The following AHNAK2 variants were observed in gnomAD, a reference collection of about 807,000 sequenced individuals.
AHNAK2 encodes AHNAK nucleoprotein 2.
In AHNAK2, 18 loss-of-function variants were observed where a neutral mutation model predicts 30.7. The observed-to-expected ratio is 0.59, with a 90% CI of 0.41 to 0.87. The LOEUF (loss-of-function observed/expected upper bound fraction) is 0.87. AHNAK2 is among the 40% of genes least tolerant of loss of function. The pLI is 0.00. For missense variants in AHNAK2, 8,604 were observed against 7,373.0 expected (o/e 1.17, Z -6.11); for synonymous variants, 3,590 against 3,073.8 (o/e 1.17, Z -5.56).
At position 104,952,275 on chromosome 14, in the gene AHNAK2, G is replaced by T. The variant is rs779782626; in HGVS notation, c.3176C>A (p.Ala1059Asp). 6.2e-7 allele frequency: 1 copy of T among 1,612,488 alleles called. No individual in the cohort carries two copies. Among genetic ancestry groups the T allele is most frequent in the African/African-American group, 1.3e-5 (1 of 74,240 alleles). ...QPASTDLKVQ[A>D]DQVDVKLPEG... is the part of the protein sequence containing the mutation. ...CGGGAGCTTCACATCCACCTGGTCA[G>T]CCTGGACCTTCAGGTCAGTAGAAGC... Residue 1059 changes from alanine (A) to aspartate (D), a missense_variant, in exon 7 of 7, where the codon GCT becomes GAT. Transcript: ENST00000333244.
Position 104,947,820 on chromosome 14 carries a change from G to T in AHNAK2, c.7631C>A (p.Ala2544Asp), listed in dbSNP as rs1898378820. The T allele has an allele frequency of 5.6e-6, 9 of 1,612,700 alleles. 1 individual carries two copies. The highest frequency in any genetic ancestry group is 1.3e-5 in the African/African-American group (1 of 74,574). Residue 2544 changes from alanine (A) to aspartate (D), a missense_variant, in exon 7 of 7, where the codon GCT becomes GAT. Ala to Asp is a moderately radical substitution (Grantham distance 126, BLOSUM62 -2). Coordinates refer to ENST00000333244, the MANE Select transcript of AHNAK2 (RefSeq NM_138420.4). Reference protein sequence around the residue: ...QPPSADLEVQAGQVDVKLPEG... With the variant: ...QPPSADLEVQDGQVDVKLPEG... ...TGGGAGTTTCACGTCCACTTGGCCAGCCTGGACCTCCAGGTCAGCGGAAGG... is the reference window on the plus strand; with the variant it reads ...TGGGAGTTTCACGTCCACTTGGCCATCCTGGACCTCCAGGTCAGCGGAAGG...
rs751978443 is a variant in AHNAK2, at chr14:104,940,508, C to A, written c.14943G>T (p.Val4981=). 1 of 1,613,682 alleles carries A rather than the reference C, an allele frequency of 6.2e-7. No individual in the cohort carries two copies. Among genetic ancestry groups the A allele is most frequent in the African/African-American group, 1.3e-5 (1 of 74,938 alleles). ...TGPKVDPECS[V]EDSKLSLVLD... ...AAACCAGGCTGAGTTTTGAGTCCTC[C>A]ACGCTGCATTCTGGGTCCACCTTTG... The change falls in exon 7 of 7, where the codon GTG becomes GTT. Residue 4981 remains valine (V), a synonymous_variant. Coordinates refer to ENST00000333244, the MANE Select transcript of AHNAK2 (RefSeq NM_138420.4). This position sits in a 1 kb window ranked among gnomAD's most constrained non-coding sequence, Gnocchi z 4.4.
rs377075504 is a variant in AHNAK2, at chr14:104,948,785, C to A, written c.6666G>T (p.Leu2222=). 1 of 1,611,166 alleles carries A rather than the reference C, an allele frequency of 6.2e-7. No individual in the cohort carries two copies. The highest frequency in any genetic ancestry group is 1.7e-5 in the Admixed American group (1 of 59,830). Residue 2222 remains leucine, a synonymous_variant, in exon 7 of 7, where the codon CTG becomes CTT. Transcript: ENST00000333244. ...VQAGQVDVKL[L]EGPVPEEVGL... is the part of the protein sequence containing the mutation. The stretch of plus-strand genomic sequence containing the variant: ...CGACTTCCTCGGGCACAGGGCCCTC[C>A]AGGAGTTTCACGTCCACCTGGCCAG...
chr14:104,942,614 C>T lies in AHNAK2; in HGVS notation c.12837G>A (p.Arg4279=). The change falls in exon 7 of 7, where the codon CGG becomes CGA. Residue 4279 remains arginine, a synonymous_variant. Transcript: ENST00000333244. The part of the protein sequence containing the change: ...EAPGAKLDSV[R]LEGDLSLADK... ...CGGCTAGGGACAGGTCACCCTCCAG[C>T]CGCACACTGTCCAGCTTGGCTCCCG... is the stretch of plus-strand genomic sequence containing the variant. 1 of 1,613,290 alleles carries T rather than the reference C, an allele frequency of 6.2e-7. No homozygotes were observed. Among genetic ancestry groups the T allele is most frequent in the Non-Finnish European group, 8.5e-7 (1 of 1,179,660 alleles).
intron 3 of AHNAK2, 29 bp from the exon 4 acceptor site, chr14:104,956,718 A>G: frequency 6.2e-7 from 1 of 1,608,732 alleles, no homozygotes; most frequent in Middle Eastern, 1.7e-4. Flanking sequence ...GGAGTTAGGC[A>G]CCTGCCCCAG....
intron 1 of AHNAK2, among the ~76,000 whole-genome samples, chr14:104,968,688 G>A (rs538873747): frequency 2.0e-5 from 3 of 152,362 alleles, no homozygotes; most frequent in African/African-American, 4.8e-5. Flanking sequence ...GGGCCCTGGG[G>A]GCTGGCAGGG....
In AHNAK2 at chr14:104,947,462, T is replaced by A. The variant is rs1357087691; in HGVS notation, c.7989A>T (p.Pro2663=). The change falls in exon 7 of 7, where the codon CCA becomes CCT. Residue 2663 remains proline (P), a synonymous_variant. Coordinates refer to ENST00000333244, the MANE Select transcript of AHNAK2 (RefSeq NM_138420.4). ...CCACCAACGCCTCGATGGACTCGCCTGGGGCCGACACCCTGAATGATGGCA... is the reference window on the plus strand; with the variant it reads ...CCACCAACGCCTCGATGGACTCGCCAGGGGCCGACACCCTGAATGATGGCA... ...FKMPSFRVSA[P]GESIEALVDV... 6.2e-7 allele frequency: 1 copy of A among 1,612,780 alleles called. No individual in the cohort carries two copies. The highest frequency in any genetic ancestry group is 8.5e-7 in the Non-Finnish European group (1 of 1,179,572).
chr14:104,963,652 A>G (rs553490086), intron 1 of AHNAK2, among the ~76,000 whole-genome samples: 2 of 152,208 alleles, frequency 1.3e-5, no homozygotes, highest in South Asian at 4.2e-4. Context: ...AACACGGTGA[A>G]ACCCTGTCTC....
In AHNAK2 at chr14:104,953,772, A is replaced by G. The variant is rs1898878886; in HGVS notation, c.1679T>C (p.Leu560Pro). The change falls in exon 7 of 7, where the codon CTA (leucine) becomes CCA (proline). Residue 560 changes from leucine (L) to proline (P), a missense_variant. Coordinates refer to ENST00000333244, the MANE Select transcript of AHNAK2 (RefSeq NM_138420.4). ...QGDEGDGEEG[L>P]QRTRITEEQD... Reference sequence around the variant, plus strand: ...TTCCTCAGTGATCCTTGTCCTCTGTAGTCCTTCCTCTCCATCTCCTTCATC... The same window carrying G: ...TTCCTCAGTGATCCTTGTCCTCTGTGGTCCTTCCTCTCCATCTCCTTCATC... The G allele has an allele frequency of 6.2e-7, 1 of 1,613,554 alleles. No individual in the cohort carries two copies. The highest frequency in any genetic ancestry group is 1.1e-5 in the South Asian group (1 of 91,070).
rs747951877 is a variant in AHNAK2 at position 104,942,040 on chromosome 14, G to T, written c.13411C>A (p.Pro4471Thr). ...CCTGGGGACAACATCCCAAAGGATG[G>T]CATCTTGAACTTGGGCATTTTGAAC... ...SKFKMPKFKM[P>T]SFGMLSPGKS... is the part of the protein sequence containing the mutation. Residue 4471 changes from proline (P) to threonine (T), a missense_variant, in exon 7 of 7, where the codon CCA (proline) becomes ACA (threonine). Coordinates refer to ENST00000333244, the MANE Select transcript of AHNAK2 (RefSeq NM_138420.4). 1.9e-6 allele frequency: 3 copies of T among 1,612,462 alleles called. No homozygotes were observed. The South Asian group carries it at 3.3e-5, about 18-fold the overall frequency.
chr14:104,947,151 A>T lies in AHNAK2; in HGVS notation c.8300T>A (p.Val2767Glu). The change falls in exon 7 of 7, where the codon GTG becomes GAG. Residue 2767 changes from valine (V) to glutamate (E), a missense_variant. Val to Glu is a moderately radical substitution (Grantham distance 121, BLOSUM62 -2). Transcript: ENST00000333244. ...AGACATCTTCACATCGGGGGCTGTCACTTCCGCCTTGGGGCCTTTCAGGTC... is the reference window on the plus strand; with the variant it reads ...AGACATCTTCACATCGGGGGCTGTCTCTTCCGCCTTGGGGCCTTTCAGGTC... ...NVDLKGPKAE[V>E]TAPDVKMSLS... is the part of the protein sequence containing the mutation. The T allele has an allele frequency of 6.2e-7, 1 of 1,611,702 alleles. No homozygotes were observed. Among genetic ancestry groups the T allele is most frequent in the Non-Finnish European group, 8.5e-7 (1 of 1,179,438 alleles).
Position 104,952,580 on chromosome 14 carries a change from G to A in AHNAK2, c.2871C>T (p.Gly957=), listed in dbSNP as rs572860937. 1.8e-5 allele frequency: 29 copies of A among 1,609,996 alleles called. No individual in the cohort carries two copies. Among genetic ancestry groups the A allele is most frequent in the South Asian group, 8.8e-5 (8 of 90,808 alleles). Residue 957 remains glycine, a synonymous_variant, in exon 7 of 7, where the codon GGC becomes GGT. Coordinates refer to ENST00000333244, the MANE Select transcript of AHNAK2 (RefSeq NM_138420.4). ...GPKAEVTAPD[G]EVSLPSMEVD... The stretch of plus-strand genomic sequence containing the variant: ...CCTCCATGCTGGGCAGAGACACCTC[G>A]CCATCGGGGGCTGTCACTTCCGCCT...
chr14:104,948,059 C>G lies in AHNAK2; in HGVS notation c.7392G>C (p.Trp2464Cys), dbSNP rs1566908932. The G allele has an allele frequency of 3.1e-6, 5 of 1,613,056 alleles. No homozygotes were observed. Among genetic ancestry groups the G allele is most frequent in the African/African-American group, 1.3e-5 (1 of 74,540 alleles). Residue 2464 changes from tryptophan to cysteine, a missense_variant, in exon 7 of 7, where the codon TGG (tryptophan) becomes TGC (cysteine). By Grantham distance (215) the Trp-to-Cys change is radical. Coordinates refer to ENST00000333244, the MANE Select transcript of AHNAK2 (RefSeq NM_138420.4). Reference protein sequence around the residue: ...EAPGAKLDGAWLEGDLSVADK... With the variant: ...EAPGAKLDGACLEGDLSVADK... ...CCGCCACAGACAGGTCCCCCTCCAGCCACGCACCATCCAGCTTGGCTCCCG... is the reference window on the plus strand; with the variant it reads ...CCGCCACAGACAGGTCCCCCTCCAGGCACGCACCATCCAGCTTGGCTCCCG...
rs771254113 is a variant in AHNAK2 at position 104,946,384 on chromosome 14, T to C, written c.9067A>G (p.Thr3023Ala). 8.1e-6 allele frequency: 13 copies of C among 1,612,006 alleles called. No homozygotes were observed. In the South Asian group the frequency reaches 1.2e-4, roughly 15 times the overall value. Residue 3023 changes from threonine (T) to alanine (A), a missense_variant, in exon 7 of 7, where the codon ACC becomes GCC. Thr to Ala is a moderately conservative substitution (Grantham distance 58, BLOSUM62 0). Coordinates refer to ENST00000333244, the MANE Select transcript of AHNAK2 (RefSeq NM_138420.4). ...GGGGGCTCAATGCTGATGTCAGTGGTCTTCAGGTCCCCCTGCATGGAGGGG... is the reference window on the plus strand; with the variant it reads ...GGGGGCTCAATGCTGATGTCAGTGGCCTTCAGGTCCCCCTGCATGGAGGGG... ...SLPSMQGDLK[T>A]TDISIEPPSA... is the part of the protein sequence containing the mutation.
rs191649308 is a variant in AHNAK2, at chr14:104,947,936, C to G, written c.7515G>C (p.Ser2505=). The G allele has an allele frequency of 5.0e-6, 8 of 1,612,254 alleles. No individual in the cohort carries two copies. The highest frequency in any genetic ancestry group is 1.7e-5 in the Admixed American group (1 of 59,862). The stretch of plus-strand genomic sequence containing the variant: ...CCACCTTCGGCGCAGACACATCCAC[C>G]GAGGCCTCGATGGACTTGCCTGGGG... ...VSAPGKSIEA[S]VDVSAPKVEA... The change falls in exon 7 of 7, where the codon TCG becomes TCC. Residue 2505 remains serine, a synonymous_variant. Coordinates refer to ENST00000333244, the MANE Select transcript of AHNAK2 (RefSeq NM_138420.4).
chr14:104,949,480 G>A lies in AHNAK2; in HGVS notation c.5971C>T (p.Pro1991Ser). 3 of 1,588,344 alleles carry A rather than the reference G, an allele frequency of 1.9e-6. No homozygotes were observed. Among genetic ancestry groups the A allele is most frequent in the Admixed American group, 1.7e-5 (1 of 57,608 alleles). The change falls in exon 7 of 7, where the codon CCC becomes TCC. Residue 1991 changes from proline to serine, a missense_variant. Coordinates refer to ENST00000333244, the MANE Select transcript of AHNAK2 (RefSeq NM_138420.4). ...MTAKDSKFKM[P>S]KFKMPSFGVS... Reference sequence around the variant, plus strand: ...CCGAACGACGGCATCTTGAATTTGGGCATTTTGAACTTGCTGTCTTTGGCA... The same window carrying A: ...CCGAACGACGGCATCTTGAATTTGGACATTTTGAACTTGCTGTCTTTGGCA...
rs1264199194 is a variant in AHNAK2 at position 104,943,886 on chromosome 14, G to C, written c.11565C>G (p.Pro3855=). The change falls in exon 7 of 7, where the codon CCC becomes CCG. Residue 3855 remains proline, a synonymous_variant. Coordinates refer to ENST00000333244, the MANE Select transcript of AHNAK2 (RefSeq NM_138420.4). ...CTTGGACCGTCAGGTCGGCAGAATG[G>C]GGCTGAATGCTGAGGTCAGTGGTCT... The part of the protein sequence containing the change: ...DLKTTDLSIQ[P]HSADLTVQAR... 6.2e-7 allele frequency: 1 copy of C among 1,613,030 alleles called. No individual in the cohort carries two copies. Among genetic ancestry groups the C allele is most frequent in the African/African-American group, 1.3e-5 (1 of 74,790 alleles).
chr14:104,956,186 G>C, intron 4 of AHNAK2, among the ~76,000 whole-genome samples: 1 of 152,164 alleles, frequency 6.6e-6, no homozygotes, highest in Non-Finnish European at 1.5e-5. Flanking sequence ...CCTCATCATT[G>C]GGTGCTAGCA....
chr14:104,972,693 C>T (rs921296077), intron 1 of AHNAK2, among the ~76,000 whole-genome samples: 2 of 152,186 alleles, frequency 1.3e-5, no homozygotes, highest in Non-Finnish European at 2.9e-5. Context: ...CCCTCCCCAA[C>T]GCGGACAGCC....
Sources: allele counts gnomAD v4.1 joint callset (sites outside exome capture counted in the v4.1 genomes callset), GRCh38; gene constraint gnomAD v4.1.1; non-coding constraint Gnocchi (gnomAD v3.1); transcripts MANE v1.5; gene names NCBI Gene and HGNC (gene_info 2026-07-23, HGNC 2026-07-21).